XPO4: variants seen among roughly 807,000 people sequenced by gnomAD.
XPO4 encodes exportin-4.
Under a neutral mutation model 143.0 loss-of-function variants are expected in XPO4, and 39 were observed. That is an observed-to-expected ratio of 0.27 (90% CI 0.21 to 0.36). The LOEUF (loss-of-function observed/expected upper bound fraction) is 0.36, where lower values mean the gene tolerates loss of function less well. Ranked by LOEUF, XPO4 falls within the 10% of genes least tolerant of loss-of-function variation. The probability of loss-of-function intolerance (pLI) is 1.00; values close to 1 mark genes in which losing one functional copy is unlikely to be tolerated. For synonymous variants in XPO4, 439 were observed against 474.0 expected (o/e 0.93, Z 0.96); for missense variants, 907 against 1,348.0 (o/e 0.67, Z 5.12).
At chr13:20,850,970 TTTTCAAATCTCTCTTAAAAGTCACC>T (rs1158240094) in intron 4 of XPO4, 2 of 985,278 alleles carry the variant, frequency 2.0e-6, no homozygotes, top group Non-Finnish European at 2.4e-6. Flanking sequence ...TTTTTTCTAC[TTTTCAAATCTCTCTTAAAAGTCACC>T]TTTATAAAGA....
At chr13:20,797,528 T>C (rs1048467384) in intron 16 of XPO4, among the ~76,000 whole-genome samples, 1 of 152,076 alleles carries the variant, frequency 6.6e-6, no homozygotes, top group African/African-American at 2.4e-5. Flanking sequence ...TATATAAGAG[T>C]ACTCATATTC....
intron 3 of XPO4, chr13:20,856,321 A>C (rs1464484944): frequency 2.0e-6 from 2 of 985,308 alleles, no homozygotes; most frequent in Non-Finnish European, 2.4e-6. Flanking sequence ...TGTAAAACAC[A>C]CACACACAAA....
chr13:20,794,315 G>A (rs1418266987), intron 18 of XPO4, among the ~76,000 whole-genome samples: 4 of 150,734 alleles, frequency 2.7e-5, no homozygotes, highest in African/African-American at 9.7e-5. Flanking sequence ...GGGCCTGAGT[G>A]GGGGCATAGA....
chr13:20,854,849 T>C (rs917912139), intron 4 of XPO4, among the ~76,000 whole-genome samples: 1 of 152,168 alleles, frequency 6.6e-6, no homozygotes, highest in Admixed American at 6.5e-5. Flanking sequence ...CCAAGAACAA[T>C]AACCCCTAAT....
intron 1 of XPO4, among the ~76,000 whole-genome samples, chr13:20,873,314 A>C (rs1055663034): frequency 6.6e-5 from 10 of 152,142 alleles, no homozygotes; most frequent in South Asian, 2.1e-4. Flanking sequence ...TTACTTACTA[A>C]TGAATAGATT....
At position 20,780,389 on chromosome 13, in the gene XPO4, T is replaced by C. The variant is rs2059128705; in HGVS notation, c.*3333A>G. On this transcript the variant is annotated 3_prime_UTR_variant, in exon 23 of 23. Transcript: ENST00000255305. ...GAAACTGACAGCTAGTTCCCTTCAA[T>C]ACTTTAGGGGTTCATAGAAGTATTA... 6.6e-6 allele frequency: 1 copy of C among 152,180 alleles called. No homozygotes were observed. The highest frequency in any genetic ancestry group is 2.1e-4 in the South Asian group (1 of 4,834). 9.4% of individuals were successfully genotyped at this position (152,180 alleles called of 1,614,324 possible).
At chr13:20,827,285 C>T (rs1277721615) in intron 6 of XPO4, 106 bp from the exon 7 acceptor site, 2 of 757,178 alleles carry the variant, frequency 2.6e-6, no homozygotes, top group Non-Finnish European at 4.6e-6. Flanking sequence ...GTAATGGTAA[C>T]AGTTTAAGCC....
chr13:20,786,221 T>A (rs1379819340), intron 22 of XPO4, among the ~76,000 whole-genome samples: 1 of 151,508 alleles, frequency 6.6e-6, no homozygotes, highest in Non-Finnish European at 1.5e-5. Context: ...ATGGAAGACC[T>A]CCTCTAAACC....
chr13:20,787,368 T>C, intron 21 of XPO4, 113 bp downstream of exon 21: 1 of 1,005,578 alleles, frequency 9.9e-7, no homozygotes, highest in Non-Finnish European at 1.5e-6. Context: ...GAAGTCATGG[T>C]TTCCTTGCCC....
At chr13:20,796,604 T>A (rs1362879165) in intron 17 of XPO4, among the ~76,000 whole-genome samples, 160 bp downstream of exon 17, 1 of 152,122 alleles carries the variant, frequency 6.6e-6, no homozygotes, top group Non-Finnish European at 1.5e-5. Flanking sequence ...TGACTTTCTC[T>A]AAATTATAAG....
chr13:20,832,560 T>C (rs1338006590), intron 6 of XPO4, among the ~76,000 whole-genome samples: 1 of 152,222 alleles, frequency 6.6e-6, no homozygotes, highest in Non-Finnish European at 1.5e-5. Context: ...CTTTACTCCC[T>C]TCATCTTTCC....
At chr13:20,886,712 T>C (rs921223265) in intron 1 of XPO4, among the ~76,000 whole-genome samples, 2 of 152,036 alleles carry the variant, frequency 1.3e-5, no homozygotes, top group Admixed American at 6.6e-5. Context: ...AACACAAATA[T>C]ATAAACAAGC....
chr13:20,870,982 AT>A lies in XPO4; in HGVS notation c.70-2282del, dbSNP rs373438241. Among the ~76,000 whole-genome samples the A allele has an allele frequency of 7.2e-5, 11 of 151,834 alleles. No individual in the cohort carries two copies. The South Asian group carries it at 1.5e-3, about 20-fold the overall frequency. ...TGCGCCAAGCCCAGCTAATTTTTGT[AT>A]TTTTTGTAGAGATGGGGTCTCACTA... On this transcript the variant is annotated intron_variant, in intron 1 of 22. Coordinates refer to ENST00000255305, the MANE Select transcript of XPO4 (RefSeq NM_022459.5).
In XPO4 at chr13:20,889,177, G is replaced by A. The variant is rs554680646; in HGVS notation, c.69+13493C>T. Among the ~76,000 whole-genome samples, 14 of 145,272 alleles carry A rather than the reference G, an allele frequency of 9.6e-5. No individual in the cohort carries two copies. In the East Asian group the frequency reaches 2.6e-3, roughly 27 times the overall value. On this transcript the variant is annotated intron_variant, in intron 1 of 22. Transcript: ENST00000255305. ...TAGACATGAGACTGTTTAAGTTTAA[G>A]TTAATTAAAAATTTAGCTCCTCAGA...
chr13:20,810,337 C>T (rs2059564568), intron 9 of XPO4, among the ~76,000 whole-genome samples: 2 of 152,104 alleles, frequency 1.3e-5, no homozygotes, highest in African/African-American at 2.4e-5. Context: ...ACTTAATCAG[C>T]AGGTTTAAGA....
intron 1 of XPO4, among the ~76,000 whole-genome samples, chr13:20,899,025 A>G (rs895015134): frequency 1.3e-5 from 2 of 152,086 alleles, no homozygotes; most frequent in Non-Finnish European, 2.9e-5. Flanking sequence ...TTAAAAAATT[A>G]CCCATTCAAG....
At chr13:20,900,686 C>A in intron 1 of XPO4, among the ~76,000 whole-genome samples, 1 of 151,426 alleles carries the variant, frequency 6.6e-6, no homozygotes, top group South Asian at 2.1e-4. Flanking sequence ...GATCTCGGCT[C>A]ACTCCAACCT....
chr13:20,876,299 TA>T (rs998151817), intron 1 of XPO4, among the ~76,000 whole-genome samples: 1 of 139,262 alleles, frequency 7.2e-6, no homozygotes, highest in African/African-American at 2.7e-5. Flanking sequence ...AAGAAGGGGG[TA>T]ATACCCAACT....
intron 13 of XPO4, 21 bp downstream of exon 13, chr13:20,807,436 C>G: frequency 6.3e-7 from 1 of 1,590,004 alleles, no homozygotes; most frequent in Non-Finnish European, 8.5e-7. Flanking sequence ...TACAAGAGCA[C>G]AGCTATAGAG....
Sources: allele counts gnomAD v4.1 joint callset (sites outside exome capture counted in the v4.1 genomes callset), GRCh38; gene constraint gnomAD v4.1.1; transcripts MANE v1.5; gene names NCBI Gene and HGNC (gene_info 2026-07-23, HGNC 2026-07-21).